Variants in SLC9A2 observed in about 807,000 individuals in gnomAD.
The protein encoded by SLC9A2 is sodium/hydrogen exchanger 2.
A neutral mutation model predicts 71.7 loss-of-function variants in SLC9A2; 42 were observed. The ratio of observed to expected loss-of-function variants is 0.59; its 90% confidence interval spans 0.46 to 0.76. The LOEUF (loss-of-function observed/expected upper bound fraction) is 0.76, where lower values mean the gene tolerates loss of function less well. Ranked by LOEUF, SLC9A2 falls within the 30% of genes least tolerant of loss-of-function variation. SLC9A2 has a pLI of 0.00. For missense variants in SLC9A2, 829 were observed against 1,017.4 expected (o/e 0.81, Z 2.52); for synonymous variants, 396 against 392.5 (o/e 1.01, Z -0.10).
intron 3 of SLC9A2, among the ~76,000 whole-genome samples, chr2:102,673,653 T>TTAAAAA (rs1258661617): frequency 1.3e-5 from 2 of 152,222 alleles, no homozygotes; most frequent in African/African-American, 2.4e-5. Flanking sequence ...TGCTTATTTT[T>TTAAAAA]TAAAAAGGAT....
Position 102,705,790 on chromosome 2 carries a change from A to G in SLC9A2, c.1978-56A>G, listed in dbSNP as rs1459853448. The G allele has an allele frequency of 3.9e-6, 4 of 1,034,840 alleles. No homozygotes were observed. In the East Asian group the frequency reaches 1.0e-4, roughly 26 times the overall value. 64.1% of individuals were successfully genotyped at this position (1,034,840 alleles called of 1,614,324 possible). A position where few individuals can be genotyped will look rare whatever the true frequency, so the allele number is the denominator to read the frequency against. On this transcript the variant is annotated intron_variant, in intron 10 of 11. Transcript: ENST00000233969. ...TTTGCTATACAATTTTTAATCTTTA[A>G]TATACAATAAGTGCCATTTGTATAG...
At chr2:102,651,934 T>TTG (rs969956486) in intron 1 of SLC9A2, among the ~76,000 whole-genome samples, 5 of 151,316 alleles carry the variant, frequency 3.3e-5, no homozygotes, top group African/African-American at 7.3e-5. Context: ...GATAAGGGTT[T>TTG]TTGTTGTTGT....
intron 1 of SLC9A2, among the ~76,000 whole-genome samples, chr2:102,652,416 A>G (rs1334162222): frequency 6.6e-6 from 1 of 151,778 alleles, no homozygotes; most frequent in Non-Finnish European, 1.5e-5. Context: ...CCAGTCATGC[A>G]CCTCTTTCCC....
At chr2:102,642,301 C>T (rs1463791068) in intron 1 of SLC9A2, among the ~76,000 whole-genome samples, 2 of 152,160 alleles carry the variant, frequency 1.3e-5, no homozygotes, top group Admixed American at 6.5e-5. Flanking sequence ...TAGAACCAGT[C>T]AGGCTTTCTG....
rs556513218 is a variant in SLC9A2, at chr2:102,706,000, A to G, written c.2068+64A>G. 116 of 959,376 alleles carry G rather than the reference A, an allele frequency of 1.2e-4. 1 individual carries two copies. In the South Asian group the frequency reaches 1.6e-3, roughly 13 times the overall value. The allele number at this position is 959,376 out of a possible 1,614,324, so 59.4% of individuals were successfully genotyped here. A position where few individuals can be genotyped will look rare whatever the true frequency, so the allele number is the denominator to read the frequency against. On this transcript the variant is annotated intron_variant, in intron 11 of 11. Transcript: ENST00000233969. ...TTTGCCAATGTTTATAAACTAGACAAATTTTCCTATTATTTTTCTTCATTA... is the reference window on the plus strand; with the variant it reads ...TTTGCCAATGTTTATAAACTAGACAGATTTTCCTATTATTTTTCTTCATTA...
chr2:102,702,216 C>T (rs1250296602), intron 8 of SLC9A2, among the ~76,000 whole-genome samples, 190 bp from the exon 9 acceptor site: 1 of 152,144 alleles, frequency 6.6e-6, no homozygotes, highest in African/African-American at 2.4e-5. Context: ...AATTGTTAAA[C>T]TTGCCATGAA....
intron 1 of SLC9A2, among the ~76,000 whole-genome samples, chr2:102,622,949 G>C (rs1274118171): frequency 6.6e-6 from 1 of 152,138 alleles, no homozygotes; most frequent in African/African-American, 2.4e-5. Context: ...TTACTCTCTT[G>C]CTGTCCTGTT....
intron 1 of SLC9A2, among the ~76,000 whole-genome samples, chr2:102,630,348 G>A (rs1245586754): frequency 2.0e-5 from 3 of 152,162 alleles, no homozygotes; most frequent in East Asian, 3.9e-4. Context: ...GTAACTGAGT[G>A]TAGGGTTTGG....
chr2:102,666,372 T>G (rs550597514), intron 3 of SLC9A2, among the ~76,000 whole-genome samples: 4 of 152,180 alleles, frequency 2.6e-5, no homozygotes, highest in Admixed American at 2.6e-4. Flanking sequence ...ATTTTTTTTG[T>G]ATTTTTAGTA....
intron 1 of SLC9A2, among the ~76,000 whole-genome samples, chr2:102,621,408 TG>T (rs1676134265): frequency 6.6e-6 from 1 of 152,026 alleles, no homozygotes; most frequent in South Asian, 2.1e-4. Flanking sequence ...ACTCTCATTT[TG>T]AAAGCAGAAA....
chr2:102,682,965 G>A (rs750051638), intron 3 of SLC9A2, among the ~76,000 whole-genome samples: 3 of 152,204 alleles, frequency 2.0e-5, no homozygotes, highest in Non-Finnish European at 4.4e-5. Flanking sequence ...ACAGAAAGGA[G>A]AGCTGATGGT....
At chr2:102,649,235 A>G (rs1676786647) in intron 1 of SLC9A2, among the ~76,000 whole-genome samples, 1 of 152,222 alleles carries the variant, frequency 6.6e-6, no homozygotes, top group Non-Finnish European at 1.5e-5. Context: ...ATGATTCCCT[A>G]TTTAATAAAC....
intron 4 of SLC9A2, 61 bp from the exon 5 acceptor site, chr2:102,684,073 A>C: frequency 8.4e-7 from 1 of 1,184,134 alleles, no homozygotes; most frequent in Non-Finnish European, 1.3e-6. Flanking sequence ...AAATGAGTCT[A>C]TGTATTTTCA....
At position 102,710,988 on chromosome 2, in the gene SLC9A2, GAGCAAACTAGAA is replaced by G. The variant is rs1678098900; in HGVS notation, c.*2501_*2512del. On this transcript the variant is annotated 3_prime_UTR_variant, in exon 12 of 12. Coordinates refer to ENST00000233969, the MANE Select transcript of SLC9A2 (RefSeq NM_003048.6). ...GACTGTTGGGAACAGTTATGTCAAT[GAGCAAACTAGAA>G]ATTGGCTTCAAAGTCTAATACTTTT... 2 of 152,316 alleles carry G rather than the reference GAGCAAACTAGAA, an allele frequency of 1.3e-5. No homozygotes were observed. The highest frequency in any genetic ancestry group is 6.5e-5 in the Admixed American group (1 of 15,280). The allele number at this position is 152,316 out of a possible 1,614,324, so 9.4% of individuals were successfully genotyped here. A position where few individuals can be genotyped will look rare whatever the true frequency, so the allele number is the denominator to read the frequency against.
At chr2:102,703,272 C>A (rs1203213242) in intron 9 of SLC9A2, among the ~76,000 whole-genome samples, 1 of 152,164 alleles carries the variant, frequency 6.6e-6, no homozygotes, top group Non-Finnish European at 1.5e-5. Context: ...CCAAGCTAAA[C>A]TATTCGTTGA....
intron 3 of SLC9A2, among the ~76,000 whole-genome samples, chr2:102,671,560 T>C (rs1317316432): frequency 1.3e-5 from 2 of 152,238 alleles, no homozygotes; most frequent in East Asian, 1.9e-4. Flanking sequence ...CAGAAAGGAA[T>C]TGGAAATTAT....
intron 4 of SLC9A2, 39 bp downstream of exon 4, chr2:102,683,517 C>A (rs1249494380): frequency 1.4e-6 from 2 of 1,476,946 alleles, no homozygotes; most frequent in Non-Finnish European, 1.9e-6. Flanking sequence ...ATATGTAACA[C>A]TCACTAATTG....
rs767896898 is a variant in SLC9A2 at position 102,657,856 on chromosome 2, C to G, written c.582C>G (p.Ile194Met). The change falls in exon 2 of 12, where the codon ATC becomes ATG. Residue 194 changes from isoleucine to methionine, a missense_variant. Ile to Met is a conservative substitution (Grantham distance 10, BLOSUM62 1). Coordinates refer to ENST00000233969, the MANE Select transcript of SLC9A2 (RefSeq NM_003048.6). ...TGTCTTTGTTTGGTATCTGCCAGAT[C>G]GAAGCATTCGGCCTCAGCGACATCA... The part of the protein sequence containing the change: ...IGVSLFGICQ[I>M]EAFGLSDITL... 2.5e-6 allele frequency: 4 copies of G among 1,614,076 alleles called. No individual in the cohort carries two copies. Among genetic ancestry groups the G allele is most frequent in the Non-Finnish European group, 3.4e-6 (4 of 1,180,042 alleles).
chr2:102,619,784 G>A lies in SLC9A2; in HGVS notation c.-65G>A. On this transcript the variant is annotated 5_prime_UTR_variant, in exon 1 of 12. Coordinates refer to ENST00000233969, the MANE Select transcript of SLC9A2 (RefSeq NM_003048.6). The surrounding 1 kb of genome is among the most constrained non-coding windows in gnomAD (Gnocchi z 4.3). ...AGGGCGGAGCGGGCTGAGCAGCCCG[G>A]GCGCGATGCGTTGAGCGCTCGGAGG... 7.2e-7 allele frequency: 1 copy of A among 1,397,388 alleles called. No homozygotes were observed. The highest frequency in any genetic ancestry group is 9.4e-7 in the Non-Finnish European group (1 of 1,063,390). The allele number at this position is 1,397,388 out of a possible 1,614,324, so 86.6% of individuals were successfully genotyped here.
Sources: gnomAD v4.1 joint callset for allele counts (sites outside exome capture counted in the v4.1 genomes callset) on GRCh38, gnomAD v4.1.1 for gene constraint, Gnocchi (gnomAD v3.1) non-coding constraint, MANE v1.5 for transcripts, NCBI Gene and HGNC (gene_info 2026-07-23, HGNC 2026-07-21) for gene names.